The following ELK3 variants were observed in gnomAD, a reference collection of about 807,000 sequenced individuals.
ELK3 encodes the protein ETS domain-containing protein Elk-3.
A neutral mutation model predicts 28.9 loss-of-function variants in ELK3; 10 were observed. The observed-to-expected ratio is 0.35, with a 90% confidence interval of 0.21 to 0.59. ELK3 has a LOEUF of 0.59. ELK3 is among the 20% of genes least tolerant of loss of function. ELK3 has a pLI of 0.82. For missense variants in ELK3, 463 were observed against 517.3 expected (o/e 0.90, Z 1.02); for synonymous variants, 272 against 243.5 (o/e 1.12, Z -1.09).
At chr12:96,209,453 G>A (rs200125508) in intron 1 of ELK3, among the ~76,000 whole-genome samples, 7 of 152,130 alleles carry the variant, frequency 4.6e-5, no homozygotes, top group African/African-American at 1.7e-4. Context: ...TGGAAAAACC[G>A]CCATCATTTT....
intron 2 of ELK3, among the ~76,000 whole-genome samples, chr12:96,238,082 G>C (rs560007534): frequency 1.3e-5 from 2 of 152,348 alleles, no homozygotes; most frequent in East Asian, 3.9e-4. Flanking sequence ...GCTAACATGA[G>C]ATTTTGTGTG....
At chr12:96,196,092 T>C (rs1400459326) in intron 1 of ELK3, among the ~76,000 whole-genome samples, 3 of 152,130 alleles carry the variant, frequency 2.0e-5, no homozygotes, top group Non-Finnish European at 4.4e-5. Context: ...AGAGCCCCCT[T>C]AGTCATTGCT....
chr12:96,210,876 G>A (rs796604566), intron 1 of ELK3, among the ~76,000 whole-genome samples: 2 of 152,308 alleles, frequency 1.3e-5, no homozygotes, highest in African/African-American at 2.4e-5. Context: ...ATTCCTAGTA[G>A]GAATGTATTT....
intron 4 of ELK3, 135 bp downstream of exon 4, chr12:96,259,988 G>T: frequency 8.1e-7 from 1 of 1,240,278 alleles, no homozygotes; most frequent in Non-Finnish European, 1.1e-6. Flanking sequence ...GTTCATGTTA[G>T]TGGGGTTGCA....
intron 2 of ELK3, among the ~76,000 whole-genome samples, chr12:96,235,581 C>T (rs1274977079): frequency 6.6e-6 from 1 of 152,110 alleles, no homozygotes; most frequent in Non-Finnish European, 1.5e-5. Flanking sequence ...CCCTACCTAC[C>T]CCTCCTTTAG....
intron 1 of ELK3, among the ~76,000 whole-genome samples, chr12:96,198,743 T>C (rs1025017052): frequency 4.6e-5 from 7 of 152,240 alleles, no homozygotes; most frequent in Admixed American, 1.3e-4. Context: ...TGTTTACCTT[T>C]TGATGTGTAA....
At chr12:96,260,151 A>C (rs1163685516) in intron 4 of ELK3, among the ~76,000 whole-genome samples, 1 of 152,072 alleles carries the variant, frequency 6.6e-6, no homozygotes, top group Non-Finnish European at 1.5e-5. Flanking sequence ...AAACTTTAAG[A>C]ATTATTCTTT....
At chr12:96,263,121 G>A (rs932816458) in intron 4 of ELK3, among the ~76,000 whole-genome samples, 2 of 152,166 alleles carry the variant, frequency 1.3e-5, no homozygotes, top group Non-Finnish European at 2.9e-5. Flanking sequence ...CAGAATCCTT[G>A]GGGTAATAGT....
chr12:96,194,385 G>A lies in ELK3; in HGVS notation c.-323G>A, dbSNP rs1951445170. ...GGCGGCGGGGGAGGCGCGGGCCTGGGCGGCCAGCCCCGGCGCACAGCCGCG... is the reference window on the plus strand; with the variant it reads ...GGCGGCGGGGGAGGCGCGGGCCTGGACGGCCAGCCCCGGCGCACAGCCGCG... On this transcript the variant is annotated 5_prime_UTR_variant, in exon 1 of 5. Transcript: ENST00000228741. The A allele has an allele frequency of 6.8e-6, 1 of 146,270 alleles. No individual in the cohort carries two copies. The highest frequency in any genetic ancestry group is 1.5e-5 in the Non-Finnish European group (1 of 65,794). The allele number at this position is 146,270 out of a possible 1,614,324, so 9.1% of individuals were successfully genotyped here. A position where few individuals can be genotyped will look rare whatever the true frequency, so the allele number is the denominator to read the frequency against.
rs963376910 is a variant in ELK3, at chr12:96,269,305, A to G, written c.*2125A>G. The stretch of plus-strand genomic sequence containing the variant: ...CAAAATGCATGATTCTTACAAACTA[A>G]AGGAAGTTAATGTGCAAAAATCTCA... On this transcript the variant is annotated 3_prime_UTR_variant, in exon 5 of 5. Transcript: ENST00000228741. 1.3e-5 allele frequency: 2 copies of G among 152,186 alleles called. No homozygotes were observed. Among genetic ancestry groups the G allele is most frequent in the Non-Finnish European group, 2.9e-5 (2 of 68,034 alleles). 9.4% of individuals were successfully genotyped at this position (152,186 alleles called of 1,614,324 possible).
intron 2 of ELK3, among the ~76,000 whole-genome samples, chr12:96,225,714 A>G (rs1455631969): frequency 6.6e-6 from 1 of 152,222 alleles, no homozygotes; most frequent in Admixed American, 6.5e-5. Context: ...CCAGGTTCCC[A>G]GCCAAAAGGC....
At chr12:96,244,346 A>G (rs1951841994) in intron 2 of ELK3, among the ~76,000 whole-genome samples, 1 of 151,566 alleles carries the variant, frequency 6.6e-6, no homozygotes, top group South Asian at 2.1e-4. Context: ...CAGGAGAGAC[A>G]TTTTCTGTCA....
chr12:96,268,173 C>CCAAA lies in ELK3; in HGVS notation c.*997_*1000dup, dbSNP rs1197532913. 3 of 152,080 alleles carry CCAAA rather than the reference C, an allele frequency of 2.0e-5. No individual in the cohort carries two copies. The highest frequency in any genetic ancestry group is 6.6e-5 in the Admixed American group (1 of 15,260). The allele number at this position is 152,080 out of a possible 1,614,324, so 9.4% of individuals were successfully genotyped here. ...AGAAGCTCACAGAGTGGTGATGAAC[C>CCAAA]CAAACAACAAAGAAACCATTTTTAA... On this transcript the variant is annotated 3_prime_UTR_variant, in exon 5 of 5. Coordinates refer to ENST00000228741, the MANE Select transcript of ELK3 (RefSeq NM_005230.4).
At chr12:96,226,034 A>C (rs1247080124) in intron 2 of ELK3, among the ~76,000 whole-genome samples, 1 of 152,132 alleles carries the variant, frequency 6.6e-6, no homozygotes, top group East Asian at 1.9e-4. Context: ...TGGGAGGCTG[A>C]GGTGGGAGGA....
At chr12:96,235,348 C>T (rs1324695173) in intron 2 of ELK3, among the ~76,000 whole-genome samples, 1 of 152,052 alleles carries the variant, frequency 6.6e-6, no homozygotes, top group South Asian at 2.1e-4. Context: ...GTTCCATGGC[C>T]CCTCCCAGAG....
intron 1 of ELK3, among the ~76,000 whole-genome samples, chr12:96,207,658 A>G (rs1951546607): frequency 6.6e-6 from 1 of 152,214 alleles, no homozygotes; most frequent in South Asian, 2.1e-4. Context: ...AAAAACCTCT[A>G]AAGATGTTGA....
intron 1 of ELK3, among the ~76,000 whole-genome samples, chr12:96,203,873 G>A (rs918367367): frequency 5.3e-5 from 8 of 152,150 alleles, no homozygotes; most frequent in African/African-American, 1.7e-4. Flanking sequence ...CCCGGGCGGT[G>A]AAGCTTTCAG....
chr12:96,247,756 T>G lies in ELK3; in HGVS notation c.1002+22T>G, dbSNP rs1207515710. ...ACAGGTAAGAGTCATTCCTGTCATC[T>G]AAGCCACAGCCAGCTTCAGTGGCTT... is the stretch of plus-strand genomic sequence containing the variant. On this transcript the variant is annotated intron_variant, in intron 3 of 4. Coordinates refer to ENST00000228741, the MANE Select transcript of ELK3 (RefSeq NM_005230.4). The surrounding 1 kb of genome is among the most constrained non-coding windows in gnomAD (Gnocchi z 5.5). The G allele has an allele frequency of 6.7e-7, 1 of 1,501,390 alleles. No homozygotes were observed. The highest frequency in any genetic ancestry group is 8.9e-7 in the Non-Finnish European group (1 of 1,128,500). 93.0% of individuals were successfully genotyped at this position (1,501,390 alleles called of 1,614,324 possible).
Position 96,267,480 on chromosome 12 carries a change from ATAAC to A in ELK3, c.*304_*307del, listed in dbSNP as rs888686446. The A allele has an allele frequency of 8.2e-5, 20 of 242,794 alleles. No individual in the cohort carries two copies. The highest frequency in any genetic ancestry group is 3.2e-4 in the East Asian group (3 of 9,282). The allele number at this position is 242,794 out of a possible 1,614,324, so 15.0% of individuals were successfully genotyped here. A position where few individuals can be genotyped will look rare whatever the true frequency, so the allele number is the denominator to read the frequency against. On this transcript the variant is annotated 3_prime_UTR_variant, in exon 5 of 5. Transcript: ENST00000228741. ...AGAACTTTTCTTAATGGTTTTCAGTATAACTAATAAGGATGTGAAGCTTTTTTCT... is the reference window on the plus strand; with the variant it reads ...AGAACTTTTCTTAATGGTTTTCAGTATAATAAGGATGTGAAGCTTTTTTCT...
Sources: gnomAD v4.1 joint callset for allele counts (sites outside exome capture counted in the v4.1 genomes callset) on GRCh38, gnomAD v4.1.1 for gene constraint, Gnocchi (gnomAD v3.1) non-coding constraint, MANE v1.5 for transcripts, NCBI Gene and HGNC (gene_info 2026-07-23, HGNC 2026-07-21) for gene names.